The following FCHO1 variants were observed in gnomAD, a reference collection of about 807,000 sequenced individuals.
The protein encoded by FCHO1 is FCH and mu domain containing endocytic adaptor 1, also known as F-BAR domain only protein 1.
In FCHO1, 45 loss-of-function variants were observed where a neutral mutation model predicts 114.4. That is an observed-to-expected ratio of 0.39 (90% CI 0.31 to 0.50). The LOEUF is 0.50. FCHO1 is among the 20% of genes least tolerant of loss of function. The pLI, the probability that FCHO1 is intolerant of heterozygous loss-of-function variation, is 0.77. For missense variants in FCHO1, 1,042 were observed against 1,209.6 expected (o/e 0.86, Z 2.06); for synonymous variants, 480 against 488.9 (o/e 0.98, Z 0.24).
chr19:17,764,591 A>C, intron 6 of FCHO1, 142 bp downstream of exon 6: 1 of 658,350 alleles, frequency 1.5e-6, no homozygotes, highest in Non-Finnish European at 2.5e-6. Flanking sequence ...TATATCATTC[A>C]TTCACACACT....
At chr19:17,758,511 G>A (rs2084703326) in intron 4 of FCHO1, among the ~76,000 whole-genome samples, 2 of 152,174 alleles carry the variant, frequency 1.3e-5, no homozygotes, top group Admixed American at 1.3e-4. Flanking sequence ...CCATGGACTT[G>A]GACTTCAGCA....
At chr19:17,771,019 C>G in intron 9 of FCHO1, 123 bp downstream of exon 9, 2 of 763,836 alleles carry the variant, frequency 2.6e-6, no homozygotes, top group African/African-American at 1.8e-5. Flanking sequence ...TTTGGGAGGC[C>G]GAGGCGGGAG....
chr19:17,778,503 G>A (rs1468880473), intron 19 of FCHO1, 106 bp from the exon 20 acceptor site: 5 of 1,337,484 alleles, frequency 3.7e-6, no homozygotes, highest in South Asian at 3.0e-5. Flanking sequence ...GACTTTGAAT[G>A]GGGGCCCCCC....
At chr19:17,754,405 A>G (rs1194110335) in intron 2 of FCHO1, 44 bp downstream of exon 2, 1 of 152,862 alleles carries the variant, frequency 6.5e-6, no homozygotes, top group East Asian at 1.9e-4. Flanking sequence ...TCGTGGGGGC[A>G]GCAATGCCAG....
chr19:17,784,311 C>G lies in FCHO1; in HGVS notation c.2226+76C>G. The G allele has an allele frequency of 6.6e-7, 1 of 1,515,320 alleles. No individual in the cohort carries two copies. The highest frequency in any genetic ancestry group is 8.9e-7 in the Non-Finnish European group (1 of 1,124,184). The allele number at this position is 1,515,320 out of a possible 1,614,324, so 93.9% of individuals were successfully genotyped here. A position where few individuals can be genotyped will look rare whatever the true frequency, so the allele number is the denominator to read the frequency against. ...TGAGCCGGCAGCAGACATGGAGGCG[C>G]CTGCGTGTTGGCCAGGCTGGTCTCG... On this transcript the variant is annotated intron_variant, in intron 25 of 28. Transcript: ENST00000596536. The surrounding 1 kb of genome is among the most constrained non-coding windows in gnomAD (Gnocchi z 5.3).
At chr19:17,756,369 T>A (rs1434819994) in intron 4 of FCHO1, among the ~76,000 whole-genome samples, 3 of 152,236 alleles carry the variant, frequency 2.0e-5, no homozygotes, top group Non-Finnish European at 4.4e-5. Context: ...AAAAGTCACC[T>A]GCATTTTGGA....
chr19:17,760,232 G>C (rs1465854340), intron 4 of FCHO1, among the ~76,000 whole-genome samples: 1 of 152,110 alleles, frequency 6.6e-6, no homozygotes, highest in Non-Finnish European at 1.5e-5. Context: ...TGTATTTTTA[G>C]TAGAGACGGG....
chr19:17,784,769 C>T lies in FCHO1; in HGVS notation c.2271C>T (p.Ala757=), dbSNP rs2093725517. ...AGTCTGTGCCTCTGCAGCTCAGTGC[C>T]CACTGGCAGTGTGGAGCCACCCTCA... ...GPQSVPLQLS[A]HWQCGATLTQ... is the part of the protein sequence containing the mutation. The change falls in exon 26 of 29, where the codon GCC becomes GCT. Residue 757 remains alanine, a synonymous_variant. Coordinates refer to ENST00000596536, the MANE Select transcript of FCHO1 (RefSeq NM_015122.3). The surrounding 1 kb of genome is among the most constrained non-coding windows in gnomAD (Gnocchi z 5.3). The T allele has an allele frequency of 6.2e-7, 1 of 1,614,104 alleles. No homozygotes were observed. The highest frequency in any genetic ancestry group is 1.3e-5 in the African/African-American group (1 of 75,054).
Position 17,775,953 on chromosome 19 carries a change from G to A in FCHO1, c.1004-30G>A. ...GCTGACTGGGGGAAAGCTTGTGTTG[G>A]GATTGGCTTGGACCTTGACTGCAGC... is the stretch of plus-strand genomic sequence containing the variant. On this transcript the variant is annotated intron_variant, in intron 15 of 28. Transcript: ENST00000596536. This position sits in a 1 kb window ranked among gnomAD's most constrained non-coding sequence, Gnocchi z 5.1. 6.3e-7 allele frequency: 1 copy of A among 1,598,174 alleles called. No homozygotes were observed. The highest frequency in any genetic ancestry group is 8.5e-7 in the Non-Finnish European group (1 of 1,175,706).
rs1435567976 is a variant in FCHO1 at position 17,787,758 on chromosome 19, C to T, written c.2559C>T (p.Thr853=). The T allele has an allele frequency of 8.1e-6, 13 of 1,606,332 alleles. No individual in the cohort carries two copies. Among genetic ancestry groups the T allele is most frequent in the Non-Finnish European group, 1.1e-5 (13 of 1,177,490 alleles). The change falls in exon 28 of 29, where the codon ACC becomes ACT. Residue 853 remains threonine, a synonymous_variant. Transcript: ENST00000596536. ...STPSPVAAQF[T]SEGTTLSGVD... is the part of the protein sequence containing the mutation. ...CCAGCCCCGTGGCTGCACAGTTCAC[C>T]AGCGAGGGGACCACTCTGTCGGGCG...
At chr19:17,761,843 T>C (rs1357299159) in intron 4 of FCHO1, among the ~76,000 whole-genome samples, 1 of 150,462 alleles carries the variant, frequency 6.6e-6, no homozygotes, top group Non-Finnish European at 1.5e-5. Context: ...GTATTTTTAG[T>C]AGAGACAGGG....
chr19:17,778,487 C>T (rs2092937350), intron 19 of FCHO1, 122 bp from the exon 20 acceptor site: 2 of 1,136,108 alleles, frequency 1.8e-6, no homozygotes, highest in Non-Finnish European at 2.4e-6. Flanking sequence ...TGGGGGCGTG[C>T]ACAAGGACTT....
At position 17,754,638 on chromosome 19, in the gene FCHO1, T is replaced by C. The variant is rs2082872561; in HGVS notation, c.-91T>C. ...AGAGCTCAGGTCTGGGCTCAGCCAG[T>C]CCAGAGTGCAAATCTACTGTCCCTT... On this transcript the variant is annotated 5_prime_UTR_variant, in exon 3 of 29. Coordinates refer to ENST00000596536, the MANE Select transcript of FCHO1 (RefSeq NM_015122.3). 1 of 156,982 alleles carries C rather than the reference T, an allele frequency of 6.4e-6. No individual in the cohort carries two copies. The highest frequency in any genetic ancestry group is 1.4e-5 in the Non-Finnish European group (1 of 70,588). 9.7% of individuals were successfully genotyped at this position (156,982 alleles called of 1,614,324 possible).
chr19:17,781,498 C>T lies in FCHO1; in HGVS notation c.1787C>T (p.Thr596Ile). The T allele has an allele frequency of 6.2e-7, 1 of 1,614,112 alleles. No individual in the cohort carries two copies. Among genetic ancestry groups the T allele is most frequent in the Non-Finnish European group, 8.5e-7 (1 of 1,180,016 alleles). ...PSPLGSSAAS[T>I]ALERPSFLSQ... ...CCACTGGGCTCTTCAGCCGCCAGCA[C>T]TGCCTTGGAACGGCCCAGCTTCTTA... The change falls in exon 22 of 29, where the codon ACT (threonine) becomes ATT (isoleucine). Residue 596 changes from threonine (T) to isoleucine (I), a missense_variant. Transcript: ENST00000596536.
chr19:17,765,051 C>G (rs878942280), intron 6 of FCHO1, among the ~76,000 whole-genome samples: 1 of 127,774 alleles, frequency 7.8e-6, no homozygotes, highest in Non-Finnish European at 1.6e-5. Flanking sequence ...GCAATAAGAG[C>G]GAAAACTCTG....
chr19:17,754,833 G>A, intron 3 of FCHO1, 152 bp downstream of exon 3: 1 of 366,460 alleles, frequency 2.7e-6, no homozygotes, highest in Non-Finnish European at 5.1e-6. Flanking sequence ...CACATTCCAT[G>A]CCCCCTCCTC....
chr19:17,784,733 C>T lies in FCHO1; in HGVS notation c.2235C>T (p.Arg745=). ...ATTCTCATTCTTCCTAGTTCTCCCG[C>T]CCGGGTCCCCAGTCTGTGCCTCTGC... The part of the protein sequence containing the change: ...NVVLLRYQFS[R]PGPQSVPLQL... The change falls in exon 26 of 29, where the codon CGC becomes CGT. Residue 745 remains arginine, a synonymous_variant. Transcript: ENST00000596536. This position sits in a 1 kb window ranked among gnomAD's most constrained non-coding sequence, Gnocchi z 5.3. The T allele has an allele frequency of 6.2e-7, 1 of 1,614,028 alleles. No homozygotes were observed. The highest frequency in any genetic ancestry group is 8.5e-7 in the Non-Finnish European group (1 of 1,180,016).
chr19:17,750,656 A>G (rs1190109285), upstream of FCHO1, among the ~76,000 whole-genome samples: 2 of 151,208 alleles, frequency 1.3e-5, no homozygotes, highest in African/African-American at 4.9e-5. Flanking sequence ...ACGGGGTTTT[A>G]CCATGTTGCC....
At chr19:17,750,252 C>T (rs187192494), upstream of FCHO1, among the ~76,000 whole-genome samples, 98 of 152,178 alleles carry the variant, frequency 6.4e-4, no homozygotes, top group Middle Eastern at 0.01. Flanking sequence ...GGCTGGGAGA[C>T]TTGGGTTCTA....
Sources: gnomAD v4.1 joint callset for allele counts (sites outside exome capture counted in the v4.1 genomes callset) on GRCh38, gnomAD v4.1.1 for gene constraint, Gnocchi (gnomAD v3.1) non-coding constraint, MANE v1.5 for transcripts, NCBI Gene and HGNC (gene_info 2026-07-23, HGNC 2026-07-21) for gene names.